The following CDC42BPB variants were observed in gnomAD, a reference collection of about 807,000 sequenced individuals.
CDC42BPB encodes the protein serine/threonine-protein kinase MRCK beta.
CDC42BPB carries 37 observed loss-of-function variants against 214.9 expected under a neutral mutation model. The observed-to-expected ratio is 0.17, with a 90% CI of 0.13 to 0.23. The LOEUF (loss-of-function observed/expected upper bound fraction) is 0.23. Among genes scored for constraint, CDC42BPB ranks in the 10% least tolerant of loss-of-function variants. CDC42BPB has a pLI of 1.00. For missense variants in CDC42BPB, 1,694 were observed against 2,227.0 expected (o/e 0.76, Z 4.82); for synonymous variants, 931 against 884.0 (o/e 1.05, Z -0.94).
At chr14:102,979,799 T>C (rs946288871) in intron 8 of CDC42BPB, among the ~76,000 whole-genome samples, 9 of 152,084 alleles carry the variant, frequency 5.9e-5, no homozygotes, top group African/African-American at 1.7e-4. Context: ...TTTTACGAGA[T>C]ATGAGCAAAA....
intron 1 of CDC42BPB, among the ~76,000 whole-genome samples, chr14:103,027,205 G>A (rs920358650): frequency 6.6e-6 from 1 of 152,194 alleles, no homozygotes; most frequent in Non-Finnish European, 1.5e-5. Context: ...TGGCCATGAG[G>A]TGGAGAGATG....
chr14:103,021,581 G>A (rs565300308), intron 1 of CDC42BPB, among the ~76,000 whole-genome samples: 1 of 152,190 alleles, frequency 6.6e-6, no homozygotes, highest in South Asian at 2.1e-4. Flanking sequence ...TACTTGGGAG[G>A]CTGAGGCAGA....
chr14:102,950,697 A>G, intron 24 of CDC42BPB, 95 bp from the exon 25 acceptor site: 1 of 1,387,688 alleles, frequency 7.2e-7, no homozygotes, highest in Non-Finnish European at 9.4e-7. Flanking sequence ...AATAATCACC[A>G]GGTCTCGCCT....
chr14:102,963,225 C>A, intron 19 of CDC42BPB, 70 bp from the exon 20 acceptor site: 1 of 1,539,846 alleles, frequency 6.5e-7, no homozygotes, highest in South Asian at 1.2e-5. Flanking sequence ...TGGGGCAGGT[C>A]AGGATGAGAG....
At chr14:103,034,097 A>G (rs1278105936) in intron 1 of CDC42BPB, among the ~76,000 whole-genome samples, 2 of 152,182 alleles carry the variant, frequency 1.3e-5, no homozygotes, top group Admixed American at 6.5e-5. Context: ...GACTTTCAAA[A>G]AGTCTAAGAT....
chr14:103,015,978 A>AG (rs1886435616), intron 1 of CDC42BPB, among the ~76,000 whole-genome samples: 1 of 151,928 alleles, frequency 6.6e-6, no homozygotes, highest in South Asian at 2.1e-4. Flanking sequence ...GACCTCCCAA[A>AG]GTGCTGGGAT....
Position 102,940,099 on chromosome 14 carries a change from T to C in CDC42BPB, c.4538A>G (p.Asn1513Ser), listed in dbSNP as rs1247603618. 1.9e-6 allele frequency: 3 copies of C among 1,613,428 alleles called. No individual in the cohort carries two copies. Among genetic ancestry groups the C allele is most frequent in the Non-Finnish European group, 2.5e-6 (3 of 1,179,914 alleles). The change falls in exon 32 of 37, where the codon AAC (asparagine) becomes AGC (serine). Residue 1513 changes from asparagine (N) to serine (S), a missense_variant. By Grantham distance (46) the Asn-to-Ser change is conservative. Transcript: ENST00000361246. ...IRPLNSEGTL[N>S]LLNCEPPRLI... ...GCGTGGAGGCTCGCAGTTGAGGAGG[T>C]TGAGGGTGCCTTCAGAGTTCAGGGG...
rs34635453 is a variant in CDC42BPB at position 103,017,452 on chromosome 14, G to A, written c.176-5264C>T. Among the ~76,000 whole-genome samples the A allele has an allele frequency of 6.0e-3, 919 of 152,014 alleles. 13 individuals are homozygous for A. The highest frequency in any genetic ancestry group is 0.021 in the African/African-American group (875 of 41,464). On this transcript the variant is annotated intron_variant, in intron 1 of 36. Transcript: ENST00000361246. ...TCCAAACAAAATACCTATCAATTAC[G>A]CAGGGAAAATGGTGACTTTACAGTG...
Position 103,050,573 on chromosome 14 carries a change from C to T in CDC42BPB, c.175+6426G>A, listed in dbSNP as rs185398387. On this transcript the variant is annotated intron_variant, in intron 1 of 36. Transcript: ENST00000361246. ...CTGAGTTCAATTCCACCCTGGGCAACACAGCAAGACCTCGTTTCCACAAAA... is the reference window on the plus strand; with the variant it reads ...CTGAGTTCAATTCCACCCTGGGCAATACAGCAAGACCTCGTTTCCACAAAA... 4.6e-4 allele frequency among the ~76,000 whole-genome samples: 70 copies of T among 152,266 alleles called. 1 individual carries two copies. In the East Asian group the frequency reaches 0.01, roughly 22 times the overall value.
At chr14:103,017,125 C>T (rs1248743125) in intron 1 of CDC42BPB, among the ~76,000 whole-genome samples, 1 of 152,170 alleles carries the variant, frequency 6.6e-6, no homozygotes, top group African/African-American at 2.4e-5. Flanking sequence ...AGTTCAAGAC[C>T]AGCCTGGGCA....
At chr14:103,009,979 C>CT (rs1203725050) in intron 2 of CDC42BPB, among the ~76,000 whole-genome samples, 1 of 152,072 alleles carries the variant, frequency 6.6e-6, no homozygotes, top group Non-Finnish European at 1.5e-5. Context: ...CCTGTCTCTA[C>CT]TAAAAAGAAA....
chr14:103,005,759 C>T (rs919456702), intron 3 of CDC42BPB, among the ~76,000 whole-genome samples: 1 of 151,890 alleles, frequency 6.6e-6, no homozygotes, highest in Admixed American at 6.6e-5. Context: ...CGGTGGCTCA[C>T]GCGTGTAATC....
At chr14:103,042,671 T>A (rs1464804290) in intron 1 of CDC42BPB, among the ~76,000 whole-genome samples, 1 of 152,172 alleles carries the variant, frequency 6.6e-6, no homozygotes, top group African/African-American at 2.4e-5. Context: ...AAAGAAGATA[T>A]ACAAATGTCT....
At chr14:103,052,092 A>T (rs139315705) in intron 1 of CDC42BPB, among the ~76,000 whole-genome samples, 1 of 152,046 alleles carries the variant, frequency 6.6e-6, no homozygotes, top group African/African-American at 2.4e-5. Context: ...TTGGCCTCCC[A>T]AAGTGCTGGG....
chr14:102,988,353 TAA>T (rs57459341), intron 5 of CDC42BPB, among the ~76,000 whole-genome samples: 5,467 of 124,106 alleles, frequency 0.044, 136 homozygotes, highest in Non-Finnish European at 0.062. Context: ...TTCCAGAAAT[TAA>T]AAAAAAAAAA....
At chr14:103,025,135 T>C (rs765814137) in intron 1 of CDC42BPB, among the ~76,000 whole-genome samples, 34 of 152,200 alleles carry the variant, frequency 2.2e-4, no homozygotes, top group South Asian at 4.1e-4. Flanking sequence ...TTCTGAAGAA[T>C]TGACAGTCCA....
In CDC42BPB at chr14:103,031,987, A is replaced by ATT. The variant is rs751445023; in HGVS notation, c.176-19801_176-19800dup. 4.1e-5 allele frequency among the ~76,000 whole-genome samples: 6 copies of ATT among 146,062 alleles called. 1 individual carries two copies. The highest frequency in any genetic ancestry group is 1.3e-4 in the African/African-American group (5 of 37,350). ...AGACCTGCCTTCTATTATTATTATT[A>ATT]TTATTTTTTTTTTTTTAAGAAAAAT... On this transcript the variant is annotated intron_variant, in intron 1 of 36. Coordinates refer to ENST00000361246, the MANE Select transcript of CDC42BPB (RefSeq NM_006035.4).
intron 21 of CDC42BPB, 49 bp downstream of exon 21, chr14:102,959,582 T>C (rs777712746): frequency 7.7e-7 from 1 of 1,297,118 alleles, no homozygotes; most frequent in South Asian, 1.3e-5. Flanking sequence ...ACACTATTTC[T>C]AACTTATCAT....
At chr14:102,968,799 CA>C in intron 14 of CDC42BPB, 83 bp from the exon 15 acceptor site, 1 of 1,561,794 alleles carries the variant, frequency 6.4e-7, no homozygotes, top group East Asian at 2.2e-5. Context: ...TCATCCCAAG[CA>C]AGTGCAGACA....
Sources: allele counts gnomAD v4.1 joint callset (sites outside exome capture counted in the v4.1 genomes callset), GRCh38; gene constraint gnomAD v4.1.1; transcripts MANE v1.5; gene names NCBI Gene and HGNC (gene_info 2026-07-23, HGNC 2026-07-21).